LHPP: variants seen among roughly 807,000 people sequenced by gnomAD.
LHPP encodes hLHPP.
A neutral mutation model predicts 30.3 loss-of-function variants in LHPP; 24 were observed. The ratio of observed to expected loss-of-function variants is 0.79; its 90% CI spans 0.57 to 1.11. The LOEUF is 1.11. Among genes scored for constraint, LHPP ranks in the 50% most tolerant of loss-of-function variants. LHPP has a pLI of 0.00. For missense variants in LHPP, 356 were observed against 367.2 expected (o/e 0.97, Z 0.25); for synonymous variants, 150 against 157.1 (o/e 0.95, Z 0.34).
chr10:124,601,641 C>T (rs1237370009), intron 6 of LHPP, among the ~76,000 whole-genome samples: 6 of 152,230 alleles, frequency 3.9e-5, no homozygotes, highest in Non-Finnish European at 8.8e-5. Context: ...AAATAGCTGG[C>T]GCCATGGTGT....
chr10:124,571,504 GGCCCTGCACAAGGTGTCCAGGATGCACT>G lies in LHPP; in HGVS notation c.717-41756_717-41729del, dbSNP rs1948583768. ...GGAACCTTTAGGGGCTTGGCTGAAT[GGCCCTGCACAAGGTGTCCAGGATGCACT>G]GCCTAAAAGCTGTGGACCCTGTGCC... On this transcript the variant is annotated intron_variant, in intron 6 of 6. Transcript: ENST00000368842. Among the ~76,000 whole-genome samples, 3 of 152,308 alleles carry G rather than the reference GGCCCTGCACAAGGTGTCCAGGATGCACT, an allele frequency of 2.0e-5. No individual in the cohort carries two copies. The South Asian group carries it at 6.2e-4, about 32-fold the overall frequency.
intron 6 of LHPP, among the ~76,000 whole-genome samples, chr10:124,562,302 G>C (rs1355693960): frequency 9.3e-6 from 1 of 107,782 alleles, no homozygotes; most frequent in African/African-American, 3.7e-5. Context: ...GTGAGACCCT[G>C]TCTCAAACAA....
chr10:124,481,433 G>A (rs1953132718), intron 1 of LHPP, among the ~76,000 whole-genome samples: 1 of 143,032 alleles, frequency 7.0e-6, no homozygotes, highest in African/African-American at 2.6e-5. Context: ...CTGGAGGGCA[G>A]TGGCTTGATC....
chr10:124,485,816 G>A (rs1001191893), intron 2 of LHPP, among the ~76,000 whole-genome samples: 2 of 152,078 alleles, frequency 1.3e-5, no homozygotes, highest in East Asian at 3.9e-4. Context: ...GGCCAGGCTC[G>A]TCTTAAACTC....
chr10:124,543,224 C>T (rs994379447), intron 6 of LHPP, among the ~76,000 whole-genome samples: 5 of 152,260 alleles, frequency 3.3e-5, no homozygotes, highest in African/African-American at 9.6e-5. Flanking sequence ...GCTGCTCCTT[C>T]CTGTATGGCC....
intron 6 of LHPP, among the ~76,000 whole-genome samples, chr10:124,583,419 G>A (rs1434799527): frequency 1.3e-5 from 2 of 152,146 alleles, no homozygotes; most frequent in Admixed American, 6.5e-5. Context: ...CCCTTTGAAT[G>A]GTCATGGCAC....
chr10:124,540,160 TG>T (rs1414624879), intron 6 of LHPP, among the ~76,000 whole-genome samples: 44 of 152,302 alleles, frequency 2.9e-4, no homozygotes, highest in African/African-American at 1.0e-3. Context: ...GTGCTGTTTC[TG>T]TGTCTGTGCG....
chr10:124,608,024 G>A (rs901829969), intron 6 of LHPP, among the ~76,000 whole-genome samples: 8 of 152,168 alleles, frequency 5.3e-5, no homozygotes, highest in South Asian at 4.1e-4. Context: ...GAATAGAAGC[G>A]TTGCAGGGGC....
intron 6 of LHPP, among the ~76,000 whole-genome samples, chr10:124,606,010 A>G (rs1455526892): frequency 6.6e-6 from 1 of 152,204 alleles, no homozygotes; most frequent in Non-Finnish European, 1.5e-5. Context: ...CCCGGGCAGC[A>G]GGACCCACCC....
intron 6 of LHPP, among the ~76,000 whole-genome samples, chr10:124,563,313 C>CT (rs58678509): frequency 0.012 from 1,669 of 138,964 alleles, 51 homozygotes; most frequent in African/African-American, 0.036. Flanking sequence ...CTCTCTTTTT[C>CT]TTTTTTTTTT....
intron 5 of LHPP, among the ~76,000 whole-genome samples, chr10:124,511,251 A>G (rs1448572623): frequency 1.3e-5 from 2 of 152,258 alleles, no homozygotes; most frequent in East Asian, 1.9e-4. Flanking sequence ...GATGACTACT[A>G]TAAATGGAAA....
intron 5 of LHPP, among the ~76,000 whole-genome samples, chr10:124,516,432 A>G (rs1284969475): frequency 2.0e-5 from 3 of 152,096 alleles, no homozygotes; most frequent in Non-Finnish European, 2.9e-5. Context: ...TTTGTGGGGG[A>G]CACACTTGAG....
At position 124,517,223 on chromosome 10, in the gene LHPP, C is replaced by T; in HGVS notation, c.668C>T (p.Ala223Val). The change falls in exon 6 of 7, where the codon GCC becomes GTC. Residue 223 changes from alanine (A) to valine (V), a missense_variant. By Grantham distance (64) the Ala-to-Val change is moderately conservative. Coordinates refer to ENST00000368842, the MANE Select transcript of LHPP (RefSeq NM_022126.4). The surrounding 1 kb of genome is among the most constrained non-coding windows in gnomAD (Gnocchi z 4.1). ...GATATCGTGGGCGACGTCGGCGGTG[C>T]CCAGCGGTGTGGAATGAGAGCGCTG... ...GDDIVGDVGG[A>V]QRCGMRALQV... 1 of 1,606,492 alleles carries T rather than the reference C, an allele frequency of 6.2e-7. No individual in the cohort carries two copies. Among genetic ancestry groups the T allele is most frequent in the Non-Finnish European group, 8.5e-7 (1 of 1,176,928 alleles).
At chr10:124,612,978 G>A in intron 6 of LHPP, 1 of 496,596 alleles carries the variant, frequency 2.0e-6, no homozygotes, top group Non-Finnish European at 3.7e-6. Context: ...GAGGCCCAGA[G>A]GGAGCTGGGC....
At chr10:124,561,096 G>A (rs191360406) in intron 6 of LHPP, among the ~76,000 whole-genome samples, 4 of 152,310 alleles carry the variant, frequency 2.6e-5, no homozygotes, top group African/African-American at 4.8e-5. Flanking sequence ...CATCTCAGAC[G>A]TGGAGCTGAA....
intron 1 of LHPP, among the ~76,000 whole-genome samples, 175 bp downstream of exon 1, chr10:124,462,162 GC>G (rs1411875342): frequency 6.6e-6 from 1 of 152,090 alleles, no homozygotes; most frequent in Non-Finnish European, 1.5e-5. Flanking sequence ...CCCCACTGTT[GC>G]CCCCGGCGAG....
chr10:124,580,970 C>T (rs887460054), intron 6 of LHPP, among the ~76,000 whole-genome samples: 6 of 152,152 alleles, frequency 3.9e-5, no homozygotes, highest in Admixed American at 2.6e-4. Context: ...GGGATCCACC[C>T]GCCTTGGCCT....
intron 6 of LHPP, among the ~76,000 whole-genome samples, chr10:124,582,619 G>C (rs971250630): frequency 1.3e-5 from 2 of 152,238 alleles, no homozygotes; most frequent in African/African-American, 4.8e-5. Context: ...AAGACTTACT[G>C]AAAACATAAA....
At chr10:124,612,201 G>A (rs1055621803) in intron 6 of LHPP, among the ~76,000 whole-genome samples, 1 of 152,080 alleles carries the variant, frequency 6.6e-6, no homozygotes, top group Non-Finnish European at 1.5e-5. Context: ...GTCAGGAGTC[G>A]GAGACCGGCC....
Sources: gnomAD v4.1 joint callset for allele counts (sites outside exome capture counted in the v4.1 genomes callset) on GRCh38, gnomAD v4.1.1 for gene constraint, Gnocchi (gnomAD v3.1) non-coding constraint, MANE v1.5 for transcripts, NCBI Gene and HGNC (gene_info 2026-07-23, HGNC 2026-07-21) for gene names.